SP100: variants seen among roughly 807,000 people sequenced by gnomAD.
SP100 encodes SP100 nuclear body protein.
A neutral mutation model predicts 130.0 loss-of-function variants in SP100; 84 were observed. The observed-to-expected ratio is 0.65, with a 90% CI of 0.54 to 0.77. SP100 has a LOEUF of 0.77. SP100 is among the 30% of genes least tolerant of loss of function. The probability of loss-of-function intolerance (pLI) is 0.00; values close to 1 mark genes in which losing one functional copy is unlikely to be tolerated. For missense variants in SP100, 978 were observed against 1,052.2 expected, an observed-to-expected ratio of 0.93 and a Z score of 0.97; for synonymous variants, 331 against 351.7, an observed-to-expected ratio of 0.94 and a Z score of 0.66.
rs772326528 is a variant in SP100 at position 230,466,458 on chromosome 2, ATCC to A, written c.1195+106_1195+108del. The A allele has an allele frequency of 1.3e-4, 89 of 687,984 alleles. 1 individual carries two copies. The East Asian group carries it at 1.4e-3, about 11-fold the overall frequency. The allele number at this position is 687,984 out of a possible 1,614,324, so 42.6% of individuals were successfully genotyped here. On this transcript the variant is annotated intron_variant, in intron 12 of 28. Transcript: ENST00000340126. ...AAGAGTCAGTCTAATTCCTTGCTAT[ATCC>A]TTCAAAGTAAAATATAAATTTGCTT...
Position 230,524,356 on chromosome 2 carries a change from C to CAA in SP100, c.2094+13204_2094+13205dup, listed in dbSNP as rs34536949. ...GGGCAACAAGAGTGAGATTCCATCT[C>CAA]AAAAAAAAAAAAAAAGAAAAAGAAA... is the stretch of plus-strand genomic sequence containing the variant. On this transcript the variant is annotated intron_variant, in intron 24 of 28. Transcript: ENST00000340126. Among the ~76,000 whole-genome samples, 187 of 94,586 alleles carry CAA rather than the reference C, an allele frequency of 2.0e-3. 2 individuals carry two copies. Among genetic ancestry groups the CAA allele is most frequent in the African/African-American group, 5.2e-3 (119 of 22,930 alleles). The allele number at this position is 94,586 out of a possible 152,430, so 62.1% of individuals were successfully genotyped here. A position where few individuals can be genotyped will look rare whatever the true frequency, so the allele number is the denominator to read the frequency against.
At chr2:230,448,899 T>A (rs945468056) in intron 5 of SP100, among the ~76,000 whole-genome samples, 189 bp from the exon 6 acceptor site, 15 of 152,152 alleles carry the variant, frequency 9.9e-5, no homozygotes, top group African/African-American at 3.6e-4. Context: ...GCTGACCCAG[T>A]CCCCTACTCT....
intron 15 of SP100, 120 bp from the exon 16 acceptor site, chr2:230,473,204 A>G (rs1014029350): frequency 1.5e-5 from 9 of 617,472 alleles, no homozygotes; most frequent in Non-Finnish European, 2.3e-5. Context: ...AAGAGATTTC[A>G]GATGTAGAGC....
intron 24 of SP100, among the ~76,000 whole-genome samples, chr2:230,519,644 AG>A (rs2150094647): frequency 6.6e-6 from 1 of 152,306 alleles, no homozygotes; most frequent in East Asian, 1.9e-4. Flanking sequence ...AAGCTTCTGA[AG>A]TCTTTTTCAA....
At chr2:230,432,593 T>C (rs1006513407) in intron 2 of SP100, among the ~76,000 whole-genome samples, 1 of 152,226 alleles carries the variant, frequency 6.6e-6, no homozygotes, top group African/African-American at 2.4e-5. Flanking sequence ...TTTGCTTTTC[T>C]CTAATAATGA....
chr2:230,476,552 G>A (rs1423802199), intron 17 of SP100, among the ~76,000 whole-genome samples: 1 of 152,022 alleles, frequency 6.6e-6, no homozygotes, highest in African/African-American at 2.4e-5. Context: ...TTTGAAAATA[G>A]ATGTTCTTGT....
Position 230,467,002 on chromosome 2 carries a change from G to A in SP100, c.1196-118G>A, listed in dbSNP as rs924200416. The A allele has an allele frequency of 1.1e-5, 8 of 710,684 alleles. No homozygotes were observed. In the Admixed American group the frequency reaches 1.4e-4, roughly 12 times the overall value. The allele number at this position is 710,684 out of a possible 1,614,324, so 44.0% of individuals were successfully genotyped here. A position where few individuals can be genotyped will look rare whatever the true frequency, so the allele number is the denominator to read the frequency against. ...GGAGGTTTGAGGCACGGACATTCTT[G>A]CCCTGAAGTTTCAGAGCATCACAAA... On this transcript the variant is annotated intron_variant, in intron 12 of 28. Coordinates refer to ENST00000340126, the MANE Select transcript of SP100 (RefSeq NM_001080391.2).
chr2:230,465,863 G>A (rs1013543199), intron 11 of SP100, among the ~76,000 whole-genome samples: 1 of 152,082 alleles, frequency 6.6e-6, no homozygotes, highest in African/African-American at 2.4e-5. Context: ...GGATTCACTA[G>A]AAGGAGAGAG....
chr2:230,467,095 A>G lies in SP100; in HGVS notation c.1196-25A>G, dbSNP rs377635093. ...TCCCTTATCATACATTGAGAGCTCC[A>G]AAGGACATTTGCTCCTTTCTGCAGT... On this transcript the variant is annotated intron_variant, in intron 12 of 28. Transcript: ENST00000340126. 4.6e-6 allele frequency: 7 copies of G among 1,533,556 alleles called. No individual in the cohort carries two copies. In the African/African-American group the frequency reaches 9.5e-5, roughly 21 times the overall value. The allele number at this position is 1,533,556 out of a possible 1,614,324, so 95.0% of individuals were successfully genotyped here.
intron 2 of SP100, among the ~76,000 whole-genome samples, chr2:230,425,900 A>G (rs182556756): frequency 6.6e-6 from 1 of 151,984 alleles, no homozygotes; most frequent in Non-Finnish European, 1.5e-5. Flanking sequence ...TCTTTAATGG[A>G]AAGTTGTTTA....
intron 2 of SP100, among the ~76,000 whole-genome samples, chr2:230,427,369 C>T (rs1559481823): frequency 6.6e-6 from 1 of 152,052 alleles, no homozygotes; most frequent in Admixed American, 6.6e-5. Flanking sequence ...ACTATGTTGG[C>T]CAGGCTGGTC....
At position 230,457,511 on chromosome 2, in the gene SP100, G is replaced by A. The variant is rs574449418; in HGVS notation, c.821-3751G>A. ...CTGGCTAGAGTCTGGGGCTTTGGGA[G>A]CTGGGTTTTACTGAAGTCGGTTCTG... On this transcript the variant is annotated intron_variant, in intron 8 of 28. Coordinates refer to ENST00000340126, the MANE Select transcript of SP100 (RefSeq NM_001080391.2). 2.0e-5 allele frequency among the ~76,000 whole-genome samples: 3 copies of A among 152,332 alleles called. No homozygotes were observed. In the South Asian group the frequency reaches 6.2e-4, roughly 32 times the overall value.
At chr2:230,493,508 C>G (rs1243004229) in intron 17 of SP100, among the ~76,000 whole-genome samples, 1 of 152,200 alleles carries the variant, frequency 6.6e-6, no homozygotes, top group Non-Finnish European at 1.5e-5. Context: ...TGAGCCACTG[C>G]AACCAGCTTA....
chr2:230,467,784 G>C (rs1403223843), intron 13 of SP100, among the ~76,000 whole-genome samples: 1 of 152,196 alleles, frequency 6.6e-6, no homozygotes, highest in Non-Finnish European at 1.5e-5. Flanking sequence ...ATCACTGCCA[G>C]ACCTATTAAC....
rs76265297 is a variant in SP100 at position 230,498,529 on chromosome 2, C to T, written c.1714C>T (p.Gln572Ter). Residue 572 changes from glutamine to a stop codon, truncating the protein, a stop_gained, in exon 19 of 29, where the codon CAA becomes TAA. Transcript: ENST00000340126. LOFTEE classifies it high-confidence loss of function. ...CAAAGTCCAAAAGAAAAGATGGCAA[C>T]AAAGAGGTAAAAAAAAAAAAATACA... ...NNKVQKKRWQ[Q>*]RGRKANTRPL... 7.2e-7 allele frequency: 1 copy of T among 1,382,804 alleles called. No homozygotes were observed. The highest frequency in any genetic ancestry group is 9.5e-7 in the Non-Finnish European group (1 of 1,056,278). 85.7% of individuals were successfully genotyped at this position (1,382,804 alleles called of 1,614,324 possible). A position where few individuals can be genotyped will look rare whatever the true frequency, so the allele number is the denominator to read the frequency against.
At chr2:230,422,258 G>A (rs1322823731) in intron 2 of SP100, among the ~76,000 whole-genome samples, 2 of 152,056 alleles carry the variant, frequency 1.3e-5, no homozygotes, top group Non-Finnish European at 2.9e-5. Context: ...TTCTTCCAAG[G>A]TTGTTTTAAG....
At chr2:230,522,721 C>G (rs1691234678) in intron 24 of SP100, among the ~76,000 whole-genome samples, 1 of 151,796 alleles carries the variant, frequency 6.6e-6, no homozygotes, top group South Asian at 2.1e-4. Context: ...ATCTCTTGAC[C>G]TCATGATCTG....
intron 16 of SP100, 152 bp from the exon 17 acceptor site, chr2:230,474,242 T>G (rs1324560073): frequency 1.8e-6 from 1 of 562,284 alleles, no homozygotes; most frequent in African/African-American, 2.0e-5. Context: ...TAGACATCAA[T>G]TCAGTGTCTG....
chr2:230,492,988 A>C (rs141502496), intron 17 of SP100, among the ~76,000 whole-genome samples: 1 of 152,052 alleles, frequency 6.6e-6, no homozygotes, highest in East Asian at 1.9e-4. Flanking sequence ...TCAATTCTTT[A>C]TTTATCTTTA....
Sources: allele counts gnomAD v4.1 joint callset (sites outside exome capture counted in the v4.1 genomes callset), GRCh38; gene constraint gnomAD v4.1.1; transcripts MANE v1.5; gene names NCBI Gene and HGNC (gene_info 2026-07-23, HGNC 2026-07-21).